Variants in GMPS observed in about 807,000 individuals in gnomAD.
GMPS encodes GMP synthase [glutamine-hydrolyzing].
GMPS carries 15 observed loss-of-function variants against 77.9 expected under a neutral mutation model. The observed-to-expected ratio is 0.19, with a 90% CI of 0.13 to 0.30. The LOEUF (loss-of-function observed/expected upper bound fraction) is 0.30. GMPS is among the 10% of genes least tolerant of loss of function. The pLI is 1.00. For synonymous variants in GMPS, 224 were observed against 275.9 expected (o/e 0.81, Z 1.86); for missense variants, 590 against 838.8 (o/e 0.70, Z 3.66).
intron 2 of GMPS, 140 bp from the exon 3 acceptor site, chr3:155,897,787 A>G (rs1255783055): frequency 3.1e-6 from 2 of 636,372 alleles, no homozygotes; most frequent in Middle Eastern, 3.1e-4. Flanking sequence ...CTGTGATATA[A>G]TTAGAATTTG....
At chr3:155,927,751 A>T (rs1316034843) in intron 12 of GMPS, among the ~76,000 whole-genome samples, 1 of 152,180 alleles carries the variant, frequency 6.6e-6, no homozygotes. Flanking sequence ...TCTTTCCAGA[A>T]ACACTTTAAA....
In GMPS at chr3:155,916,113, C is replaced by G. The variant is rs1755172053; in HGVS notation, c.1133C>G (p.Ser378Cys). ...TLRPDLIESA[S>C]LVASGKAELI... ...CGGCCTGATCTAATTGAAAGTGCAT[C>G]CCTTGTTGCAAGTGGCAAAGCTGAA... is the stretch of plus-strand genomic sequence containing the variant. The change falls in exon 9 of 16, where the codon TCC (serine) becomes TGC (cysteine). Residue 378 changes from serine (S) to cysteine (C), a missense_variant. This residue lies in a region of GMPS where 181 missense variants were observed against 186.8 expected (regional missense o/e 0.97). Transcript: ENST00000496455. 1 of 1,613,014 alleles carries G rather than the reference C, an allele frequency of 6.2e-7. No homozygotes were observed. Among genetic ancestry groups the G allele is most frequent in the South Asian group, 1.1e-5 (1 of 91,056 alleles).
At chr3:155,937,524 T>C (rs1755790875) in intron 15 of GMPS, 67 bp from the exon 16 acceptor site, 3 of 727,350 alleles carry the variant, frequency 4.1e-6, no homozygotes, top group African/African-American at 1.8e-5. Flanking sequence ...AAATTACAAA[T>C]GTAAGCCCTC....
chr3:155,902,084 G>A (rs1754749628), intron 3 of GMPS, among the ~76,000 whole-genome samples: 1 of 152,182 alleles, frequency 6.6e-6, no homozygotes, highest in African/African-American at 2.4e-5. Flanking sequence ...AGTACTATAT[G>A]GCTTTCTTTG....
chr3:155,937,213 G>A (rs1209813797), intron 15 of GMPS, among the ~76,000 whole-genome samples: 1 of 152,206 alleles, frequency 6.6e-6, no homozygotes, highest in East Asian at 1.9e-4. Context: ...GTATGTTTAA[G>A]CTGCAGATAA....
intron 1 of GMPS, among the ~76,000 whole-genome samples, chr3:155,882,925 A>G (rs547157837): frequency 6.6e-6 from 1 of 152,242 alleles, no homozygotes; most frequent in Admixed American, 6.5e-5. Flanking sequence ...CAATGGTGCA[A>G]TTAATGTATG....
At chr3:155,880,461 T>C (rs1754185425) in intron 1 of GMPS, among the ~76,000 whole-genome samples, 1 of 152,178 alleles carries the variant, frequency 6.6e-6, no homozygotes, top group Non-Finnish European at 1.5e-5. Flanking sequence ...GGTGGTAGTT[T>C]AAAAAACTCA....
Position 155,942,750 on chromosome 3 carries a change from C to T in GMPS, c.*5058C>T, listed in dbSNP as rs1181925539. 5 of 225,446 alleles carry T rather than the reference C, an allele frequency of 2.2e-5. No homozygotes were observed. Among genetic ancestry groups the T allele is most frequent in the Non-Finnish European group, 3.5e-5 (4 of 113,316 alleles). 14.0% of individuals were successfully genotyped at this position (225,446 alleles called of 1,614,324 possible). On this transcript the variant is annotated 3_prime_UTR_variant, in exon 16 of 16. Coordinates refer to ENST00000496455, the MANE Select transcript of GMPS (RefSeq NM_003875.3). The stretch of plus-strand genomic sequence containing the variant: ...TTTCCTTCAGAGAGGAGAAAGCCAC[C>T]CCTGTGCTATAGCCACCGCTCCAAT...
chr3:155,905,156 G>A (rs1040779337), intron 4 of GMPS, among the ~76,000 whole-genome samples: 1 of 151,828 alleles, frequency 6.6e-6, no homozygotes, highest in African/African-American at 2.4e-5. Flanking sequence ...CAAGTAAGTG[G>A]GATTACAGGC....
chr3:155,880,049 G>A (rs1241537866), intron 1 of GMPS, among the ~76,000 whole-genome samples: 1 of 151,144 alleles, frequency 6.6e-6, no homozygotes, highest in East Asian at 1.9e-4. Context: ...TCTTAATGGT[G>A]TTCTTTGAAG....
intron 12 of GMPS, among the ~76,000 whole-genome samples, chr3:155,931,103 G>A (rs1755604030): frequency 6.6e-6 from 1 of 151,988 alleles, no homozygotes; most frequent in Admixed American, 6.6e-5. Context: ...TAGGATTATA[G>A]GTGTGAGCTT....
Position 155,937,673 on chromosome 3 carries a change from G to C in GMPS, c.2063G>C (p.Gly688Ala). Residue 688 changes from glycine (G) to alanine (A), a missense_variant, in exon 16 of 16, where the codon GGA (glycine) becomes GCA (alanine). Gly to Ala is a moderately conservative substitution (Grantham distance 60). Transcript: ENST00000496455. ...IMYDLTSKPPGTTEWE is the reference protein window; with the variant it reads ...IMYDLTSKPPATTEWE ...TATGACTTAACATCAAAGCCCCCAG[G>C]AACTACTGAGTGGGAGTAATAAACT... The C allele has an allele frequency of 3.0e-6, 4 of 1,333,280 alleles. No homozygotes were observed. The highest frequency in any genetic ancestry group is 3.2e-6 in the Non-Finnish European group (3 of 924,370). The allele number at this position is 1,333,280 out of a possible 1,614,324, so 82.6% of individuals were successfully genotyped here. A position where few individuals can be genotyped will look rare whatever the true frequency, so the allele number is the denominator to read the frequency against.
chr3:155,886,700 G>T (rs1277540533), intron 1 of GMPS, among the ~76,000 whole-genome samples: 3 of 136,384 alleles, frequency 2.2e-5, no homozygotes, highest in African/African-American at 8.4e-5. Flanking sequence ...CACTCACTGG[G>T]TTTCATCATG....
chr3:155,940,459 T>G lies in GMPS; in HGVS notation c.*2767T>G, dbSNP rs1174033765. The G allele has an allele frequency of 4.7e-6, 1 of 211,964 alleles. No individual in the cohort carries two copies. 13.1% of individuals were successfully genotyped at this position (211,964 alleles called of 1,614,324 possible). A position where few individuals can be genotyped will look rare whatever the true frequency, so the allele number is the denominator to read the frequency against. On this transcript the variant is annotated 3_prime_UTR_variant, in exon 16 of 16. Coordinates refer to ENST00000496455, the MANE Select transcript of GMPS (RefSeq NM_003875.3). ...TCAAACAAGCATCATAAAATTTGTT[T>G]CCTCACTGTTTGGGCTTAACCTCCT... is the stretch of plus-strand genomic sequence containing the variant.
intron 13 of GMPS, 30 bp from the exon 14 acceptor site, chr3:155,934,866 TCTACATTTGAAATGTAATTG>T: frequency 8.3e-7 from 1 of 1,203,656 alleles, no homozygotes; most frequent in African/African-American, 1.5e-5. Context: ...AAATGTAATT[TCTACATTTGAAATGTAATTG>T]CTGTATTATT....
intron 12 of GMPS, among the ~76,000 whole-genome samples, chr3:155,929,311 G>GT (rs1484646123): frequency 2.6e-5 from 4 of 151,878 alleles, no homozygotes; most frequent in African/African-American, 9.7e-5. Flanking sequence ...TTTTTCATGT[G>GT]TTTTTTGGCT....
intron 3 of GMPS, among the ~76,000 whole-genome samples, chr3:155,902,797 G>T (rs1240764741): frequency 1.3e-5 from 2 of 152,232 alleles, no homozygotes; most frequent in African/African-American, 2.4e-5. Flanking sequence ...GAAATGATTA[G>T]ACTGTAGCAA....
At chr3:155,890,748 A>G (rs779805176) in intron 1 of GMPS, among the ~76,000 whole-genome samples, 59 of 152,098 alleles carry the variant, frequency 3.9e-4, no homozygotes, top group Non-Finnish European at 6.8e-4. Context: ...CAGTTTCCTC[A>G]CTGATGTTGG....
intron 2 of GMPS, among the ~76,000 whole-genome samples, chr3:155,897,167 A>G (rs958620295): frequency 6.6e-6 from 1 of 152,100 alleles, no homozygotes; most frequent in African/African-American, 2.4e-5. Context: ...GAAATTCTTG[A>G]TATTAAAATG....
Sources: gnomAD v4.1 joint callset for allele counts (sites outside exome capture counted in the v4.1 genomes callset) on GRCh38, gnomAD v4.1.1 for gene constraint, gnomAD v4.1.1 regional missense constraint, MANE v1.5 for transcripts, NCBI Gene and HGNC (gene_info 2026-07-23, HGNC 2026-07-21) for gene names.